The following KIRREL3 variants were observed in gnomAD, a reference collection of about 807,000 sequenced individuals.
KIRREL3 encodes the protein kirre like nephrin family adhesion molecule 3.
KIRREL3 carries 36 observed loss-of-function variants against 89.7 expected under a neutral mutation model. The observed-to-expected ratio is 0.40, with a 90% CI of 0.31 to 0.53. The LOEUF (loss-of-function observed/expected upper bound fraction) is 0.53, where lower values mean the gene tolerates loss of function less well. Ranked by LOEUF, KIRREL3 falls within the 20% of genes least tolerant of loss-of-function variation. The pLI is 0.49. For missense variants in KIRREL3, 864 were observed against 1,056.6 expected (o/e 0.82, Z 2.53); for synonymous variants, 445 against 441.4 (o/e 1.01, Z -0.10).
At chr11:126,730,518 G>T (rs1443756854) in intron 1 of KIRREL3, among the ~76,000 whole-genome samples, 1 of 152,142 alleles carries the variant, frequency 6.6e-6, no homozygotes, top group Admixed American at 6.5e-5. Flanking sequence ...TCTCCACCAT[G>T]GGTGATTTTT....
chr11:126,852,035 G>T (rs4937211), intron 1 of KIRREL3, among the ~76,000 whole-genome samples: 1 of 149,284 alleles, frequency 6.7e-6, no homozygotes. Flanking sequence ...AATTCAGAAG[G>T]TTGGGGCTAT....
At chr11:126,603,235 A>G (rs1460632887) in intron 1 of KIRREL3, among the ~76,000 whole-genome samples, 1 of 152,212 alleles carries the variant, frequency 6.6e-6, no homozygotes, top group Non-Finnish European at 1.5e-5. Flanking sequence ...AAAACAATAA[A>G]TTCCCATTGA....
At chr11:126,865,166 T>G (rs1228292282) in intron 1 of KIRREL3, among the ~76,000 whole-genome samples, 1 of 152,248 alleles carries the variant, frequency 6.6e-6, no homozygotes, top group Non-Finnish European at 1.5e-5. Context: ...AATATATCCC[T>G]GTATGAACCC....
chr11:126,646,577 T>G (rs969860811), intron 1 of KIRREL3, among the ~76,000 whole-genome samples: 1 of 148,794 alleles, frequency 6.7e-6, no homozygotes, highest in African/African-American at 2.5e-5. Context: ...TGGGTTCAGG[T>G]GATTCTCCTG....
Position 126,428,496 on chromosome 11 carries a change from G to C in KIRREL3, c.1806+683C>G, listed in dbSNP as rs1413631627. ...GGTGGGGTGCGGGGGATGAGGGAGA[G>C]GGACATGTATTGAATATCTATAATA... On this transcript the variant is annotated intron_variant, in intron 15 of 16. Transcript: ENST00000525144. The surrounding 1 kb of genome is among the most constrained non-coding windows in gnomAD (Gnocchi z 6.4). 1.3e-5 allele frequency among the ~76,000 whole-genome samples: 2 copies of C among 152,038 alleles called. No individual in the cohort carries two copies. The highest frequency in any genetic ancestry group is 2.9e-5 in the Non-Finnish European group (2 of 68,014).
At chr11:126,468,078 C>T (rs187754812) in intron 5 of KIRREL3, among the ~76,000 whole-genome samples, 34 of 152,294 alleles carry the variant, frequency 2.2e-4, no homozygotes, top group Admixed American at 5.9e-4. Flanking sequence ...CACGACTGTG[C>T]GTGCTAAGAC....
intron 1 of KIRREL3, among the ~76,000 whole-genome samples, chr11:126,634,777 G>T (rs1409017078): frequency 1.3e-5 from 2 of 152,176 alleles, no homozygotes; most frequent in African/African-American, 4.8e-5. Context: ...GCTCAGTAAA[G>T]AATCAAATTC....
chr11:126,934,748 G>T (rs944885691), intron 1 of KIRREL3: 10 of 152,104 alleles, frequency 6.6e-5, no homozygotes, highest in African/African-American at 2.4e-4. Context: ...ATAAGAAAAT[G>T]GCAACTTGAT....
chr11:126,602,053 T>C (rs1254249459), intron 1 of KIRREL3, among the ~76,000 whole-genome samples: 1 of 152,186 alleles, frequency 6.6e-6, no homozygotes, highest in Non-Finnish European at 1.5e-5. Context: ...CAGGAACTAA[T>C]TGAATGGCCG....
chr11:126,842,417 T>A (rs1943994818), intron 1 of KIRREL3, among the ~76,000 whole-genome samples: 2 of 152,186 alleles, frequency 1.3e-5, no homozygotes, highest in Non-Finnish European at 2.9e-5. Flanking sequence ...TTCTATCTAC[T>A]CTGTTCTCAG....
rs974334478 is a variant in KIRREL3, at chr11:126,430,707, T to C, written c.1696+712A>G. Among the ~76,000 whole-genome samples, 11 of 152,122 alleles carry C rather than the reference T, an allele frequency of 7.2e-5. No individual in the cohort carries two copies. The highest frequency in any genetic ancestry group is 2.7e-4 in the African/African-American group (11 of 41,408). The stretch of plus-strand genomic sequence containing the variant: ...TTGCATTACACTTATATAATGTTAG[T>C]GCCAGATGGGGCCATCAGAGTCATA... On this transcript the variant is annotated intron_variant, in intron 14 of 16. Transcript: ENST00000525144. This position sits in a 1 kb window ranked among gnomAD's most constrained non-coding sequence, Gnocchi z 6.6.
chr11:126,770,665 C>A (rs563618172), intron 1 of KIRREL3, among the ~76,000 whole-genome samples: 2 of 152,214 alleles, frequency 1.3e-5, no homozygotes, highest in East Asian at 3.9e-4. Context: ...TCCCTCAACT[C>A]CAGTCTGTGA....
chr11:126,726,369 C>A (rs1206446777), intron 1 of KIRREL3, among the ~76,000 whole-genome samples: 2 of 150,370 alleles, frequency 1.3e-5, no homozygotes, highest in African/African-American at 5.0e-5. Context: ...ACACAAGATG[C>A]CTCCTTTTTT....
intron 1 of KIRREL3, among the ~76,000 whole-genome samples, chr11:126,933,880 T>C (rs1948062148): frequency 6.6e-6 from 1 of 151,984 alleles, no homozygotes; most frequent in Non-Finnish European, 1.5e-5. Flanking sequence ...TGACAATTCT[T>C]CCCAAATCAT....
chr11:126,692,754 T>C (rs1946929737), intron 1 of KIRREL3, among the ~76,000 whole-genome samples: 1 of 152,158 alleles, frequency 6.6e-6, no homozygotes, highest in African/African-American at 2.4e-5. Flanking sequence ...GGACAAATAT[T>C]GTATGACTTC....
At chr11:126,982,810 G>A (rs1949754387) in intron 1 of KIRREL3, among the ~76,000 whole-genome samples, 1 of 152,188 alleles carries the variant, frequency 6.6e-6, no homozygotes, top group Non-Finnish European at 1.5e-5. Context: ...CTTTCACACT[G>A]TTGTTGTTGC....
chr11:126,436,327 T>A (rs1319934849), intron 12 of KIRREL3, among the ~76,000 whole-genome samples: 2 of 152,350 alleles, frequency 1.3e-5, no homozygotes, highest in Admixed American at 1.3e-4. Context: ...TCTGTGGGAC[T>A]TGTGTCTGAG....
chr11:126,624,312 C>A lies in KIRREL3; in HGVS notation c.56-61400G>T, dbSNP rs1943692240. 6.6e-6 allele frequency among the ~76,000 whole-genome samples: 1 copy of A among 152,144 alleles called. No individual in the cohort carries two copies. The highest frequency in any genetic ancestry group is 6.5e-5 in the Admixed American group (1 of 15,284). ...TTCTCCCCAAACAGATCATTCTTGTCTTCTCCTCTGATTTCCACTAGGAAA... is the reference window on the plus strand; with the variant it reads ...TTCTCCCCAAACAGATCATTCTTGTATTCTCCTCTGATTTCCACTAGGAAA... On this transcript the variant is annotated intron_variant, in intron 1 of 16. Coordinates refer to ENST00000525144, the MANE Select transcript of KIRREL3 (RefSeq NM_032531.4). This position sits in a 1 kb window ranked among gnomAD's most constrained non-coding sequence, Gnocchi z 6.0.
chr11:126,521,145 G>A lies in KIRREL3; in HGVS notation c.433+170C>T, dbSNP rs1012689382. 5.3e-5 allele frequency among the ~76,000 whole-genome samples: 8 copies of A among 152,126 alleles called. No homozygotes were observed. The highest frequency in any genetic ancestry group is 3.4e-3 in the Middle Eastern group (1 of 294). On this transcript the variant is annotated intron_variant, in intron 4 of 16. Transcript: ENST00000525144. This position sits in a 1 kb window ranked among gnomAD's most constrained non-coding sequence, Gnocchi z 4.1. ...TAGGGAAAGAGCCTTCGCTTGTCCC[G>A]TTTGGGTGGGAAGGTGGGCATGGAT... is the stretch of plus-strand genomic sequence containing the variant.
Sources: allele counts gnomAD v4.1 joint callset (sites outside exome capture counted in the v4.1 genomes callset), GRCh38; gene constraint gnomAD v4.1.1; non-coding constraint Gnocchi (gnomAD v3.1); transcripts MANE v1.5; gene names NCBI Gene and HGNC (gene_info 2026-07-23, HGNC 2026-07-21).